The following UNC13C variants were observed in gnomAD, a reference collection of about 807,000 sequenced individuals.
UNC13C encodes protein unc-13 homolog C.
In UNC13C, 174 loss-of-function variants were observed where a neutral mutation model predicts 245.4. The observed-to-expected ratio is 0.71, with a 90% CI of 0.63 to 0.80. The LOEUF (loss-of-function observed/expected upper bound fraction) is 0.80. Among genes scored for constraint, UNC13C ranks in the 30% least tolerant of loss-of-function variants. UNC13C has a pLI of 0.00. For synonymous variants in UNC13C, 992 were observed against 895.1 expected (o/e 1.11, Z -1.93); for missense variants, 2,829 against 2,602.9 (o/e 1.09, Z -1.89).
At chr15:54,455,622 C>G (rs1891477357) in intron 19 of UNC13C, among the ~76,000 whole-genome samples, 1 of 150,522 alleles carries the variant, frequency 6.6e-6, no homozygotes, top group African/African-American at 2.4e-5. Flanking sequence ...GTAATTTGAG[C>G]ATTTTTTCAT....
At position 54,072,785 on chromosome 15, in the gene UNC13C, A is replaced by C. The variant is rs1898391943; in HGVS notation, c.2983+56899A>C. 2.6e-5 allele frequency among the ~76,000 whole-genome samples: 4 copies of C among 152,194 alleles called. 1 individual carries two copies. The South Asian group carries it at 8.3e-4, about 31-fold the overall frequency. ...AATAAAAGAACATTTTACTACTTGT[A>C]GGTATAATTATATAACTGAGTAATG... On this transcript the variant is annotated intron_variant, in intron 2 of 32. Transcript: ENST00000260323.
intron 19 of UNC13C, among the ~76,000 whole-genome samples, chr15:54,421,124 C>T (rs2040633688): frequency 6.6e-6 from 1 of 151,944 alleles, no homozygotes; most frequent in Non-Finnish European, 1.5e-5. Context: ...TAAATACTAT[C>T]ATTATCCCCC....
intron 2 of UNC13C, among the ~76,000 whole-genome samples, chr15:54,037,565 TA>T (rs906962507): frequency 1.3e-5 from 2 of 151,966 alleles, no homozygotes; most frequent in African/African-American, 4.8e-5. Flanking sequence ...AAAATGAATT[TA>T]TATATATTTT....
chr15:54,482,273 G>C (rs1156615327), intron 19 of UNC13C, among the ~76,000 whole-genome samples: 5 of 152,002 alleles, frequency 3.3e-5, no homozygotes, highest in Admixed American at 2.6e-4. Flanking sequence ...CTGGGCACAG[G>C]ATAGTCCAGT....
chr15:54,132,652 C>A (rs34104741), intron 2 of UNC13C, among the ~76,000 whole-genome samples: 55,821 of 152,032 alleles, frequency 0.37, 10,326 homozygotes, highest in Admixed American at 0.39. Flanking sequence ...GACAGCTCAG[C>A]AACCCTCTGA....
In UNC13C at chr15:54,266,814, G is replaced by A. The variant is rs554093904; in HGVS notation, c.3818+1318G>A. 1.6e-4 allele frequency among the ~76,000 whole-genome samples: 24 copies of A among 152,074 alleles called. 1 individual carries two copies. The South Asian group carries it at 4.1e-3, about 26-fold the overall frequency. Reference sequence around the variant, plus strand: ...GGAAAGTCATCCCTTCTGACTTCCCGTGTGCAAAGGCAGTCTCTGGTTTGC... The same window carrying A: ...GGAAAGTCATCCCTTCTGACTTCCCATGTGCAAAGGCAGTCTCTGGTTTGC... On this transcript the variant is annotated intron_variant, in intron 10 of 32. Transcript: ENST00000260323.
the UNC13C span, among the ~76,000 whole-genome samples, chr15:53,932,522 A>C: frequency 6.6e-6 from 1 of 152,168 alleles, no homozygotes; most frequent in Non-Finnish European, 1.5e-5. Context: ...AAAATGAACA[A>C]GGGAATGCTT....
In UNC13C at chr15:54,627,242, A is replaced by G. The variant is rs1438061928; in HGVS notation, c.*129A>G. ...TACTCATGTACGATGTCTACAAGGT[A>G]TGTAAAAAACCTGCTGAACTTTTAT... On this transcript the variant is annotated 3_prime_UTR_variant, in exon 33 of 33. Transcript: ENST00000260323. 3.9e-6 allele frequency: 4 copies of G among 1,018,132 alleles called. No homozygotes were observed. Among genetic ancestry groups the G allele is most frequent in the Admixed American group, 6.2e-5 (2 of 32,110 alleles). 63.1% of individuals were successfully genotyped at this position (1,018,132 alleles called of 1,614,324 possible). A position where few individuals can be genotyped will look rare whatever the true frequency, so the allele number is the denominator to read the frequency against.
chr15:54,101,370 G>A (rs1900155064), intron 2 of UNC13C, among the ~76,000 whole-genome samples: 1 of 151,930 alleles, frequency 6.6e-6, no homozygotes, highest in South Asian at 2.1e-4. Context: ...CAATAGAGAT[G>A]TTTCCTTTTG....
chr15:54,556,888 G>T (rs916967689), intron 29 of UNC13C, among the ~76,000 whole-genome samples: 12 of 151,970 alleles, frequency 7.9e-5, no homozygotes, highest in African/African-American at 2.9e-4. Context: ...TGGAAATAGG[G>T]AATGGTATTC....
chr15:54,342,463 G>T (rs1189189485), intron 17 of UNC13C, among the ~76,000 whole-genome samples: 1 of 151,828 alleles, frequency 6.6e-6, no homozygotes, highest in Non-Finnish European at 1.5e-5. Flanking sequence ...TACTTAGGAG[G>T]TTAAGGTGGT....
At chr15:54,229,691 A>G (rs767570117) in intron 4 of UNC13C, among the ~76,000 whole-genome samples, 11 of 152,094 alleles carry the variant, frequency 7.2e-5, no homozygotes, top group Non-Finnish European at 1.2e-4. Context: ...GTTATGAACT[A>G]TATTCACCCT....
At chr15:54,574,101 C>A (rs1897864532) in intron 30 of UNC13C, among the ~76,000 whole-genome samples, 1 of 152,048 alleles carries the variant, frequency 6.6e-6, no homozygotes, top group Non-Finnish European at 1.5e-5. Context: ...TTTTTTAAAA[C>A]AAAATTCACC....
chr15:53,933,616 C>G, the UNC13C span, among the ~76,000 whole-genome samples: 1 of 152,168 alleles, frequency 6.6e-6, no homozygotes, highest in African/African-American at 2.4e-5. Context: ...TAGACCTTAA[C>G]ACGCACAGTT....
At chr15:54,292,838 G>C (rs1444616031) in intron 10 of UNC13C, among the ~76,000 whole-genome samples, 1 of 149,542 alleles carries the variant, frequency 6.7e-6, no homozygotes, top group Non-Finnish European at 1.5e-5. Context: ...AAAATATAAA[G>C]ATGATCTCTT....
At chr15:54,170,661 A>C (rs939009960) in intron 4 of UNC13C, among the ~76,000 whole-genome samples, 1 of 152,094 alleles carries the variant, frequency 6.6e-6, no homozygotes, top group East Asian at 1.9e-4. Flanking sequence ...TACATCCTGT[A>C]CTTTAAGCTA....
chr15:54,286,891 G>C (rs1368866810), intron 10 of UNC13C, among the ~76,000 whole-genome samples: 1 of 151,980 alleles, frequency 6.6e-6, no homozygotes, highest in African/African-American at 2.4e-5. Flanking sequence ...TTATTCCCAT[G>C]GAAACAAAAC....
intron 2 of UNC13C, among the ~76,000 whole-genome samples, chr15:54,034,588 T>C (rs1896495006): frequency 6.6e-6 from 1 of 152,230 alleles, no homozygotes. Context: ...AAATGATTAA[T>C]GTTTAAGAAT....
chr15:54,183,573 TG>T (rs1265041832), intron 4 of UNC13C, among the ~76,000 whole-genome samples: 1 of 152,050 alleles, frequency 6.6e-6, no homozygotes, highest in Non-Finnish European at 1.5e-5. Flanking sequence ...TATATATTTT[TG>T]TTTGTGTTAA....
Sources: gnomAD v4.1 joint callset for allele counts (sites outside exome capture counted in the v4.1 genomes callset) on GRCh38, gnomAD v4.1.1 for gene constraint, MANE v1.5 for transcripts, NCBI Gene and HGNC (gene_info 2026-07-23, HGNC 2026-07-21) for gene names.